Variants in DNAI7 observed in about 807,000 individuals in gnomAD.
The protein encoded by DNAI7 is cancer susceptibility 1.
A neutral mutation model predicts 86.6 loss-of-function variants in DNAI7; 78 were observed. That is an observed-to-expected ratio of 0.90 (90% confidence interval 0.75 to 1.09). The LOEUF (loss-of-function observed/expected upper bound fraction) is 1.09. Ranked by LOEUF, DNAI7 falls within the 50% of genes least tolerant of loss-of-function variation. The probability of loss-of-function intolerance (pLI) is 0.00; values close to 1 mark genes in which losing one functional copy is unlikely to be tolerated. For synonymous variants in DNAI7, 274 were observed against 273.0 expected (o/e 1.00, Z -0.04); for missense variants, 753 against 810.2 (o/e 0.93, Z 0.86).
intron 3 of DNAI7, among the ~76,000 whole-genome samples, chr12:25,158,968 T>A (rs1384394630): frequency 1.3e-5 from 2 of 152,112 alleles, no homozygotes; most frequent in Non-Finnish European, 2.9e-5. Flanking sequence ...TGTGGAGAAA[T>A]AGGAACACTA....
intron 2 of DNAI7, among the ~76,000 whole-genome samples, chr12:25,187,719 C>T (rs535707589): frequency 7.2e-5 from 11 of 152,108 alleles, no homozygotes; most frequent in Middle Eastern, 3.4e-3. Flanking sequence ...AATTTCAATA[C>T]GCCAAAACAA....
intron 4 of DNAI7, among the ~76,000 whole-genome samples, chr12:25,156,772 T>G (rs756781151): frequency 1.3e-5 from 2 of 151,840 alleles, no homozygotes; most frequent in Non-Finnish European, 2.9e-5. Flanking sequence ...TCTGATTTGG[T>G]TGGTGATTAT....
intron 2 of DNAI7, among the ~76,000 whole-genome samples, chr12:25,168,735 G>GCA (rs1301101825): frequency 1.3e-5 from 2 of 152,112 alleles, no homozygotes; most frequent in African/African-American, 2.4e-5. Context: ...TAATTACGCT[G>GCA]CACCCCCTGG....
Position 25,123,234 on chromosome 12 carries a change from A to G in DNAI7, c.1055T>C (p.Val352Ala). Residue 352 changes from valine (V) to alanine (A), a missense_variant, in exon 10 of 16, where the codon GTA becomes GCA. Physicochemically the swap from Val to Ala is moderately conservative, Grantham distance 64. Coordinates refer to ENST00000395987, the MANE Select transcript of DNAI7 (RefSeq NM_018272.5). ...EAIKCEREMK[V>A]LSETVSAAQL... ...ACCTGCTGAAACAGTTTCACTTAAT[A>G]CTTTCATCTCTCGTTCACATTTTAT... 1 of 1,603,914 alleles carries G rather than the reference A, an allele frequency of 6.2e-7. No homozygotes were observed.
intron 1 of DNAI7, among the ~76,000 whole-genome samples, chr12:25,193,465 G>A (rs938946122): frequency 1.2e-4 from 19 of 152,248 alleles, no homozygotes; most frequent in African/African-American, 4.1e-4. Flanking sequence ...CTGACACTTT[G>A]ATCTTGGACT....
At chr12:25,170,863 C>A (rs374763135) in intron 2 of DNAI7, among the ~76,000 whole-genome samples, 1 of 152,250 alleles carries the variant, frequency 6.6e-6, no homozygotes, top group East Asian at 1.9e-4. Flanking sequence ...AATTAAGTAA[C>A]CTGCTGAATG....
At chr12:25,165,374 G>A (rs950837504) in intron 2 of DNAI7, among the ~76,000 whole-genome samples, 6 of 152,268 alleles carry the variant, frequency 3.9e-5, no homozygotes, top group African/African-American at 4.8e-5. Flanking sequence ...CGCCTGAACT[G>A]CAGCTGCTGG....
rs1304146022 is a variant in DNAI7, at chr12:25,135,426, C to G, written c.1002+8939G>C. ...ACCACAGGGAGAAGGAAACTTCTAG[C>G]TGAACTTTGCAATAATTTCCACCAA... is the stretch of plus-strand genomic sequence containing the variant. On this transcript the variant is annotated intron_variant, in intron 9 of 15. Transcript: ENST00000395987. 2.0e-5 allele frequency among the ~76,000 whole-genome samples: 3 copies of G among 152,148 alleles called. No individual in the cohort carries two copies. The East Asian group carries it at 5.8e-4, about 29-fold the overall frequency.
rs1410975013 is a variant in DNAI7, at chr12:25,121,734, G to A, written c.1239+19C>T. 7.0e-6 allele frequency: 11 copies of A among 1,579,972 alleles called. No homozygotes were observed. Among genetic ancestry groups the A allele is most frequent in the Non-Finnish European group, 9.4e-6 (11 of 1,165,926 alleles). On this transcript the variant is annotated intron_variant, in intron 11 of 15. Coordinates refer to ENST00000395987, the MANE Select transcript of DNAI7 (RefSeq NM_018272.5). ...AGCAATTATTTTACTTATAAGTTTT[G>A]ATTCAAGAATCAACCTACTTCCACA... is the stretch of plus-strand genomic sequence containing the variant.
chr12:25,170,306 A>T (rs1947996292), intron 2 of DNAI7, among the ~76,000 whole-genome samples: 1 of 151,504 alleles, frequency 6.6e-6, no homozygotes, highest in South Asian at 2.1e-4. Flanking sequence ...CAGGAGAATC[A>T]CTTGAACCCA....
intron 9 of DNAI7, among the ~76,000 whole-genome samples, chr12:25,136,759 GCAAAATA>G (rs143927923): frequency 0.022 from 3,416 of 152,156 alleles, 104 homozygotes; most frequent in African/African-American, 0.078. Flanking sequence ...TTAGAGAAAT[GCAAAATA>G]CACTGGGAAG....
At chr12:25,115,084 T>G (rs1364325041) in intron 12 of DNAI7, among the ~76,000 whole-genome samples, 2 of 152,206 alleles carry the variant, frequency 1.3e-5, no homozygotes, top group African/African-American at 4.8e-5. Context: ...AATGAAGCTT[T>G]GACTCACTTT....
At position 25,144,669 on chromosome 12, in the gene DNAI7, C is replaced by T; in HGVS notation, c.698G>A (p.Ser233Asn). Residue 233 changes from serine (S) to asparagine (N), a missense_variant, in exon 9 of 16, where the codon AGT becomes AAT. Transcript: ENST00000395987. Reference sequence around the variant, plus strand: ...AATTTGTGTTTCAGAGAATCTAACACTTCTGTGCCTGTTAATAATTAATTA... The same window carrying T: ...AATTTGTGTTTCAGAGAATCTAACATTTCTGTGCCTGTTAATAATTAATTA... ...ANLKKNPRHR[S>N]VRFSETQIGF... 4 of 1,607,494 alleles carry T rather than the reference C, an allele frequency of 2.5e-6. No homozygotes were observed. The highest frequency in any genetic ancestry group is 3.4e-6 in the Non-Finnish European group (4 of 1,176,830).
intron 2 of DNAI7, among the ~76,000 whole-genome samples, chr12:25,189,816 G>A (rs562632665): frequency 1.3e-5 from 2 of 152,194 alleles, no homozygotes; most frequent in East Asian, 1.9e-4. Flanking sequence ...TTTGGTTATG[G>A]TCAAGACTAT....
intron 13 of DNAI7, among the ~76,000 whole-genome samples, chr12:25,113,805 T>C (rs1489925471): frequency 6.6e-6 from 1 of 152,106 alleles, no homozygotes; most frequent in Admixed American, 6.6e-5. Context: ...TTTTAGATCA[T>C]TTTCATCCCT....
intron 6 of DNAI7, among the ~76,000 whole-genome samples, chr12:25,154,069 T>C (rs946677547): frequency 2.8e-4 from 42 of 151,980 alleles, no homozygotes; most frequent in African/African-American, 8.9e-4. Flanking sequence ...TGCAACTTGA[T>C]TTTTTTTTCT....
intron 9 of DNAI7, among the ~76,000 whole-genome samples, chr12:25,132,928 T>A (rs1333364785): frequency 7.1e-6 from 1 of 140,726 alleles, no homozygotes; most frequent in East Asian, 1.9e-4. Flanking sequence ...TTTTTCTTAG[T>A]CTGTTATTTG....
At chr12:25,127,748 C>T (rs1314708659) in intron 9 of DNAI7, among the ~76,000 whole-genome samples, 3 of 152,090 alleles carry the variant, frequency 2.0e-5, no homozygotes, top group African/African-American at 7.2e-5. Context: ...ATAGAAATTC[C>T]TTAGTATATG....
At chr12:25,179,092 A>G (rs1438526515) in intron 2 of DNAI7, among the ~76,000 whole-genome samples, 1 of 152,104 alleles carries the variant, frequency 6.6e-6, no homozygotes, top group Non-Finnish European at 1.5e-5. Flanking sequence ...ATTTTCCTTA[A>G]CAATAAGTTT....
Sources: allele counts gnomAD v4.1 joint callset (sites outside exome capture counted in the v4.1 genomes callset), GRCh38; gene constraint gnomAD v4.1.1; transcripts MANE v1.5; gene names NCBI Gene and HGNC (gene_info 2026-07-23, HGNC 2026-07-21).